Variants in ICA1 observed in about 807,000 individuals in gnomAD.
The protein encoded by ICA1 is 69 kDa islet cell autoantigen.
ICA1 carries 40 observed loss-of-function variants against 71.0 expected under a neutral mutation model. That is an observed-to-expected ratio of 0.56 (90% CI 0.44 to 0.73). The LOEUF is 0.73. Ranked by LOEUF, ICA1 falls within the 30% of genes least tolerant of loss-of-function variation. The pLI is 0.00. For synonymous variants in ICA1, 207 were observed against 209.5 expected, an observed-to-expected ratio of 0.99 and a Z score of 0.10; for missense variants, 578 against 576.5, an observed-to-expected ratio of 1.00 and a Z score of -0.03.
chr7:8,259,391 C>T (rs1485249401), intron 1 of ICA1, among the ~76,000 whole-genome samples: 2 of 152,148 alleles, frequency 1.3e-5, no homozygotes, highest in African/African-American at 2.4e-5. Context: ...GTTGCACCCC[C>T]CAACTTCAGA....
At chr7:8,200,146 C>T (rs1330268388) in intron 6 of ICA1, among the ~76,000 whole-genome samples, 1 of 151,870 alleles carries the variant, frequency 6.6e-6, no homozygotes, top group Non-Finnish European at 1.5e-5. Flanking sequence ...GCATTGCACG[C>T]CTGTATCAAA....
In ICA1 at chr7:8,232,692, T is replaced by C. The variant is rs113905679; in HGVS notation, c.81A>G (p.Gln27=). The change falls in exon 3 of 14, where the codon CAA becomes CAG. Residue 27 remains glutamine, a synonymous_variant. Transcript: ENST00000402384. The part of the protein sequence containing the change: ...AQDKSVVNKM[Q]QKYWETKQAF... ...CCTGCTTCGTCTCCCAATATTTCTG[T>C]TGCATCTTATTTACAACTGACTTAT... is the stretch of plus-strand genomic sequence containing the variant. 9.3e-6 allele frequency: 15 copies of C among 1,612,704 alleles called. No individual in the cohort carries two copies. Among genetic ancestry groups the C allele is most frequent in the African/African-American group, 8.0e-5 (6 of 75,016 alleles).
intron 6 of ICA1, among the ~76,000 whole-genome samples, chr7:8,161,073 A>T (rs1208713681): frequency 1.3e-5 from 2 of 152,150 alleles, no homozygotes; most frequent in Admixed American, 6.5e-5. Flanking sequence ...AAGAAAATAC[A>T]CGTGGGAGTC....
chr7:8,261,560 T>C (rs906733095), intron 1 of ICA1, among the ~76,000 whole-genome samples: 2 of 151,936 alleles, frequency 1.3e-5, no homozygotes, highest in African/African-American at 4.8e-5. Context: ...CACTAGTGGT[T>C]ATAAAGAGGT....
At chr7:8,167,270 G>A (rs1288541810) in intron 6 of ICA1, among the ~76,000 whole-genome samples, 2 of 152,146 alleles carry the variant, frequency 1.3e-5, no homozygotes, top group Non-Finnish European at 2.9e-5. Flanking sequence ...CGGTACATAT[G>A]CACCATAGCA....
chr7:8,196,029 AC>A (rs1458303947), intron 6 of ICA1, among the ~76,000 whole-genome samples: 6 of 152,174 alleles, frequency 3.9e-5, no homozygotes, highest in Non-Finnish European at 8.8e-5. Context: ...AACAATAACA[AC>A]AAAAAATTCC....
intron 8 of ICA1, among the ~76,000 whole-genome samples, chr7:8,150,615 C>G (rs1250786436): frequency 6.6e-6 from 1 of 152,152 alleles, no homozygotes; most frequent in Non-Finnish European, 1.5e-5. Flanking sequence ...TTAAATACCC[C>G]AGCCAGCATG....
At chr7:8,185,639 A>G (rs554067233) in intron 6 of ICA1, among the ~76,000 whole-genome samples, 17 of 152,346 alleles carry the variant, frequency 1.1e-4, no homozygotes, top group Middle Eastern at 3.4e-3. Context: ...GAAAAGGTTA[A>G]GAGCATGCTC....
At chr7:8,203,292 A>G (rs982244420) in intron 6 of ICA1, among the ~76,000 whole-genome samples, 1 of 152,220 alleles carries the variant, frequency 6.6e-6, no homozygotes, top group Non-Finnish European at 1.5e-5. Flanking sequence ...TGGGAAATCC[A>G]GTGGTTTAAG....
At chr7:8,151,590 G>C (rs1179969821) in intron 8 of ICA1, among the ~76,000 whole-genome samples, 1 of 152,122 alleles carries the variant, frequency 6.6e-6, no homozygotes, top group Non-Finnish European at 1.5e-5. Context: ...TGTTGGGACT[G>C]GTAACTAAAA....
intron 6 of ICA1, among the ~76,000 whole-genome samples, chr7:8,203,563 A>G (rs11976509): frequency 0.52 from 79,377 of 152,006 alleles, 23,592 homozygotes; most frequent in South Asian, 0.78. Context: ...TCTGAGCCCC[A>G]CCCCAGGCCT....
intron 7 of ICA1, chr7:8,158,278 C>A: frequency 2.2e-6 from 1 of 449,036 alleles, no homozygotes; most frequent in Non-Finnish European, 3.9e-6. Context: ...AGGAGAAAGG[C>A]ACTCCAGGTA....
At chr7:8,253,969 G>C (rs376317019) in intron 1 of ICA1, among the ~76,000 whole-genome samples, 1 of 152,206 alleles carries the variant, frequency 6.6e-6, no homozygotes, top group East Asian at 1.9e-4. Flanking sequence ...AGATGCTAAT[G>C]TTTATAAGGT....
rs1284684343 is a variant in ICA1, at chr7:8,118,244, C to T, written c.1331-4200G>A. ...CTAACTTAATGAAACAGGTGGCCTG[C>T]GACCTATTTACTCAATCTAGAACAA... is the stretch of plus-strand genomic sequence containing the variant. On this transcript the variant is annotated intron_variant, in intron 13 of 13. Transcript: ENST00000402384. Among the ~76,000 whole-genome samples, 8 of 152,286 alleles carry T rather than the reference C, an allele frequency of 5.3e-5. No individual in the cohort carries two copies. The South Asian group carries it at 6.2e-4, about 12-fold the overall frequency.
At chr7:8,152,053 C>A (rs1798988744) in intron 8 of ICA1, among the ~76,000 whole-genome samples, 1 of 152,152 alleles carries the variant, frequency 6.6e-6, no homozygotes, top group Non-Finnish European at 1.5e-5. Context: ...TACTGCCTTT[C>A]CTGCCTGCCG....
At chr7:8,149,306 G>A (rs975354124) in intron 8 of ICA1, among the ~76,000 whole-genome samples, 8 of 152,214 alleles carry the variant, frequency 5.3e-5, no homozygotes, top group African/African-American at 1.9e-4. Flanking sequence ...GCAGCACACA[G>A]AGTCATACAA....
At chr7:8,134,402 A>G (rs1036510958) in intron 12 of ICA1, among the ~76,000 whole-genome samples, 1 of 152,214 alleles carries the variant, frequency 6.6e-6, no homozygotes, top group African/African-American at 2.4e-5. Context: ...TGACCTCAGC[A>G]TAAATTAGAA....
At position 8,181,184 on chromosome 7, in the gene ICA1, G is replaced by A. The variant is rs146653502; in HGVS notation, c.580-22532C>T. ...GATATGAAATAGGGGTCGGGTTCCT[G>A]GTATTCTGTATAGATATCCAACTGA... On this transcript the variant is annotated intron_variant, in intron 6 of 13. Coordinates refer to ENST00000402384, the MANE Select transcript of ICA1 (RefSeq NM_001136020.3). Among the ~76,000 whole-genome samples the A allele has an allele frequency of 2.0e-5, 3 of 152,082 alleles. No individual in the cohort carries two copies. In the East Asian group the frequency reaches 5.8e-4, roughly 29 times the overall value.
chr7:8,144,416 G>GT lies in ICA1; in HGVS notation c.805-445dup, dbSNP rs919747992. On this transcript the variant is annotated intron_variant, in intron 8 of 13. Transcript: ENST00000402384. This position sits in a 1 kb window ranked among gnomAD's most constrained non-coding sequence, Gnocchi z 4.5. Reference sequence around the variant, plus strand: ...ACGATTTCATTTTGTTTTAAATTTTGTTTGCTATTTTGCAATCTAAAACCC... The same window carrying GT: ...ACGATTTCATTTTGTTTTAAATTTTGTTTTGCTATTTTGCAATCTAAAACCC... 2.0e-5 allele frequency among the ~76,000 whole-genome samples: 3 copies of GT among 152,106 alleles called. No homozygotes were observed. The highest frequency in any genetic ancestry group is 7.2e-5 in the African/African-American group (3 of 41,414).
Sources: allele counts gnomAD v4.1 joint callset (sites outside exome capture counted in the v4.1 genomes callset), GRCh38; gene constraint gnomAD v4.1.1; non-coding constraint Gnocchi (gnomAD v3.1); transcripts MANE v1.5; gene names NCBI Gene and HGNC (gene_info 2026-07-23, HGNC 2026-07-21).